CADM2: variants seen among roughly 807,000 people sequenced by gnomAD.
CADM2 encodes the protein immunoglobulin superfamily member 4D.
CADM2 carries 12 observed loss-of-function variants against 49.8 expected under a neutral mutation model. The observed-to-expected ratio is 0.24, with a 90% CI of 0.15 to 0.39. The LOEUF (loss-of-function observed/expected upper bound fraction) is 0.39. Ranked by LOEUF, CADM2 falls within the 10% of genes least tolerant of loss-of-function variation. The pLI is 1.00. For missense variants in CADM2, 378 were observed against 492.3 expected, an observed-to-expected ratio of 0.77 and a Z score of 2.20; for synonymous variants, 214 against 175.4, an observed-to-expected ratio of 1.22 and a Z score of -1.74.
At chr3:85,937,205 T>C (rs1259127309) in intron 7 of CADM2, among the ~76,000 whole-genome samples, 1 of 151,908 alleles carries the variant, frequency 6.6e-6, no homozygotes, top group Non-Finnish European at 1.5e-5. Flanking sequence ...GTTGAATGAA[T>C]GTGCCTTCTT....
At chr3:85,217,079 C>T (rs1041458914) in intron 1 of CADM2, among the ~76,000 whole-genome samples, 2 of 151,584 alleles carry the variant, frequency 1.3e-5, no homozygotes, top group South Asian at 2.1e-4. Flanking sequence ...ATTACATTTA[C>T]CTAAAATATT....
intron 1 of CADM2, among the ~76,000 whole-genome samples, chr3:85,006,416 GAAATAAAT>G (rs4053358): frequency 3.3e-5 from 5 of 151,882 alleles, no homozygotes; most frequent in African/African-American, 4.8e-5. Flanking sequence ...AGCAGCATGT[GAAATAAAT>G]AAATAAATAA....
chr3:85,760,821 T>C (rs2069337287), intron 2 of CADM2, among the ~76,000 whole-genome samples: 3 of 152,206 alleles, frequency 2.0e-5, no homozygotes, highest in African/African-American at 4.8e-5. Context: ...GGTTAGTTAA[T>C]AGCAATTTTA....
At chr3:85,498,100 T>A (rs1401850005) in intron 1 of CADM2, among the ~76,000 whole-genome samples, 1 of 151,798 alleles carries the variant, frequency 6.6e-6, no homozygotes, top group Non-Finnish European at 1.5e-5. Context: ...TCAAACAAGG[T>A]GACATTCTGC....
intron 1 of CADM2, among the ~76,000 whole-genome samples, chr3:85,577,797 G>T (rs939376641): frequency 7.3e-5 from 11 of 151,530 alleles, no homozygotes; most frequent in African/African-American, 2.7e-4. Context: ...TTTTTAAATT[G>T]CCCTATAACT....
intron 1 of CADM2, among the ~76,000 whole-genome samples, chr3:85,240,638 C>A (rs77580520): frequency 0.029 from 4,398 of 151,322 alleles, 225 homozygotes; most frequent in African/African-American, 0.1. Context: ...TCCTCTAAGA[C>A]TAAGCAATTT....
At chr3:85,848,534 T>C (rs1032628348) in intron 3 of CADM2, among the ~76,000 whole-genome samples, 3 of 152,172 alleles carry the variant, frequency 2.0e-5, no homozygotes, top group African/African-American at 7.2e-5. Context: ...TAATTTAAGA[T>C]AATTGTGTTA....
rs541036614 is a variant in CADM2 at position 85,334,453 on chromosome 3, T to C, written c.61+374785T>C. On this transcript the variant is annotated intron_variant, in intron 1 of 9. Transcript: ENST00000383699. Reference sequence around the variant, plus strand: ...CAGGGGAAAGGCACAATAAGAATTATTTCAACAAAATATTTGTATCAGAGT... The same window carrying C: ...CAGGGGAAAGGCACAATAAGAATTACTTCAACAAAATATTTGTATCAGAGT... 1.3e-3 allele frequency among the ~76,000 whole-genome samples: 201 copies of C among 151,714 alleles called. 2 individuals carry two copies. The highest frequency in any genetic ancestry group is 4.4e-3 in the African/African-American group (184 of 41,524).
chr3:85,790,378 T>C (rs1486377754), intron 2 of CADM2, among the ~76,000 whole-genome samples: 2 of 152,216 alleles, frequency 1.3e-5, no homozygotes, highest in Non-Finnish European at 2.9e-5. Context: ...TCACAGGTAC[T>C]GTATAGGTAA....
intron 1 of CADM2, among the ~76,000 whole-genome samples, chr3:85,546,509 A>AAT (rs1020165691): frequency 3.3e-5 from 5 of 152,000 alleles, no homozygotes; most frequent in African/African-American, 4.8e-5. Context: ...AGATACCCTA[A>AAT]ATATATATAT....
intron 1 of CADM2, among the ~76,000 whole-genome samples, chr3:85,215,358 TAAAAAAA>T (rs955035192): frequency 2.5e-5 from 2 of 80,920 alleles, no homozygotes; most frequent in East Asian, 3.7e-4. Context: ...CTCTCTTTTT[TAAAAAAA>T]AAAAAAAAAA....
chr3:85,023,426 A>G (rs1348459187), intron 1 of CADM2, among the ~76,000 whole-genome samples: 1 of 151,970 alleles, frequency 6.6e-6, no homozygotes, highest in Non-Finnish European at 1.5e-5. Flanking sequence ...AAACAGGGCT[A>G]TATAGATTGC....
chr3:86,061,241 T>C (rs112094936), intron 8 of CADM2, among the ~76,000 whole-genome samples: 270 of 152,184 alleles, frequency 1.8e-3, no homozygotes, highest in African/African-American at 5.7e-3. Flanking sequence ...ATAAATAATC[T>C]GTTATATTTT....
At chr3:85,987,662 A>G (rs1265599104) in intron 8 of CADM2, among the ~76,000 whole-genome samples, 1 of 146,896 alleles carries the variant, frequency 6.8e-6, no homozygotes, top group African/African-American at 2.5e-5. Flanking sequence ...TATATAATTT[A>G]TAATATAAAT....
At chr3:85,638,503 A>G (rs968795952) in intron 1 of CADM2, among the ~76,000 whole-genome samples, 1 of 152,044 alleles carries the variant, frequency 6.6e-6, no homozygotes, top group Non-Finnish European at 1.5e-5. Flanking sequence ...AACAGTTTTT[A>G]TATGTTTCAA....
intron 1 of CADM2, among the ~76,000 whole-genome samples, chr3:85,272,860 G>C (rs1225342753): frequency 2.6e-5 from 4 of 151,190 alleles, no homozygotes; most frequent in African/African-American, 9.7e-5. Context: ...AGAACTCCCT[G>C]CTTCACCTTT....
chr3:85,586,447 G>A (rs1459716033), intron 1 of CADM2, among the ~76,000 whole-genome samples: 2 of 151,906 alleles, frequency 1.3e-5, no homozygotes, highest in Non-Finnish European at 2.9e-5. Context: ...GATGAAACAA[G>A]GAAAAATAAA....
At chr3:85,368,972 G>T (rs1200634985) in intron 1 of CADM2, among the ~76,000 whole-genome samples, 2 of 152,024 alleles carry the variant, frequency 1.3e-5, no homozygotes, top group Non-Finnish European at 2.9e-5. Context: ...GATGACTGTT[G>T]TACTTTATCT....
At chr3:85,794,088 T>C (rs1038080993) in intron 2 of CADM2, among the ~76,000 whole-genome samples, 6 of 152,212 alleles carry the variant, frequency 3.9e-5, no homozygotes, top group African/African-American at 1.4e-4. Flanking sequence ...TGGATCACCA[T>C]CTGTTTTATC....
Sources: allele counts gnomAD v4.1 joint callset (sites outside exome capture counted in the v4.1 genomes callset), GRCh38; gene constraint gnomAD v4.1.1; transcripts MANE v1.5; gene names NCBI Gene and HGNC (gene_info 2026-07-23, HGNC 2026-07-21).